The following PDZD2 variants were observed in gnomAD, a reference collection of about 807,000 sequenced individuals.
PDZD2 encodes PDZ domain containing 2.
In PDZD2, 90 loss-of-function variants were observed where a neutral mutation model predicts 220.7. That is an observed-to-expected ratio of 0.41 (90% CI 0.34 to 0.49). The LOEUF is 0.49. Among genes scored for constraint, PDZD2 ranks in the 20% least tolerant of loss-of-function variants. PDZD2 has a pLI of 0.28. For missense variants in PDZD2, 3,174 were observed against 3,608.5 expected (o/e 0.88, Z 3.08); for synonymous variants, 1,375 against 1,450.5 (o/e 0.95, Z 1.18).
At chr5:31,720,848 A>C (rs746955459) in intron 1 of PDZD2, among the ~76,000 whole-genome samples, 3 of 152,188 alleles carry the variant, frequency 2.0e-5, no homozygotes, top group Non-Finnish European at 2.9e-5. Context: ...CAGTTTTTAC[A>C]CAAAGGTTGG....
intron 2 of PDZD2, among the ~76,000 whole-genome samples, chr5:31,882,407 C>T (rs1484273599): frequency 6.6e-6 from 1 of 152,144 alleles, no homozygotes; most frequent in Non-Finnish European, 1.5e-5. Context: ...GTACCAAATT[C>T]CTGTAAAACA....
chr5:31,837,594 C>A (rs369086483), intron 2 of PDZD2, among the ~76,000 whole-genome samples: 4 of 152,190 alleles, frequency 2.6e-5, no homozygotes, highest in Middle Eastern at 3.4e-3. Context: ...CATGGTGGTC[C>A]ATGCCTGTAA....
intron 1 of PDZD2, among the ~76,000 whole-genome samples, chr5:31,676,237 C>T (rs897721898): frequency 1.1e-4 from 16 of 152,144 alleles, no homozygotes; most frequent in African/African-American, 2.4e-4. Context: ...AAATCCACAG[C>T]GCAGAGGGTG....
At chr5:32,068,401 ATGTGCTTGCACCAAAATGTAAACATTGTG>A (rs1740419578) in intron 14 of PDZD2, among the ~76,000 whole-genome samples, 1 of 152,250 alleles carries the variant, frequency 6.6e-6, no homozygotes, top group Non-Finnish European at 1.5e-5. Flanking sequence ...CCACAGCAAG[ATGTGCTTGCACCAAAATGTAAACATTGTG>A]TCACCATGCA....
At chr5:32,054,237 G>A (rs1477176292) in intron 10 of PDZD2, among the ~76,000 whole-genome samples, 7 of 149,994 alleles carry the variant, frequency 4.7e-5, no homozygotes, top group East Asian at 2.0e-4. Flanking sequence ...GAAGCAGAGC[G>A]CCTGGTCATT....
chr5:32,018,627 G>A (rs554825955), intron 6 of PDZD2, among the ~76,000 whole-genome samples: 24 of 152,190 alleles, frequency 1.6e-4, no homozygotes, highest in Non-Finnish European at 2.9e-4. Context: ...CGCAGCAGGC[G>A]GCCACACATG....
At chr5:31,865,897 C>G (rs1246069996) in intron 2 of PDZD2, among the ~76,000 whole-genome samples, 3 of 150,744 alleles carry the variant, frequency 2.0e-5, no homozygotes, top group Admixed American at 2.0e-4. Context: ...TCCCAAAATG[C>G]TGGGATTACA....
intron 2 of PDZD2, among the ~76,000 whole-genome samples, chr5:31,879,377 A>C (rs1173204990): frequency 1.5e-5 from 2 of 136,652 alleles, no homozygotes; most frequent in African/African-American, 5.7e-5. Flanking sequence ...ACAGAGCGAG[A>C]CTCTGTCTCA....
chr5:32,051,294 C>T (rs995034999), intron 8 of PDZD2, among the ~76,000 whole-genome samples: 16 of 152,138 alleles, frequency 1.1e-4, no homozygotes, highest in African/African-American at 3.6e-4. Flanking sequence ...AAGCCCACAT[C>T]ATTTTTTTTA....
rs1320201957 is a variant in PDZD2, at chr5:32,097,351, G to C, written c.7918G>C (p.Gly2640Arg). Reference protein sequence around the residue: ...GSGLGFSVAGGTDVEPKSITV... With the variant: ...GSGLGFSVAGRTDVEPKSITV... Reference sequence around the variant, plus strand: ...AGGTCTGGGATTCAGTGTGGCAGGAGGGACAGATGTGGAGCCAAAATCAAT... The same window carrying C: ...AGGTCTGGGATTCAGTGTGGCAGGACGGACAGATGTGGAGCCAAAATCAAT... Residue 2640 changes from glycine (G) to arginine (R), a missense_variant, in exon 22 of 25, where the codon GGG becomes CGG. Around this residue, in one of 4 missense-constraint regions of PDZD2, gnomAD observed 631 missense variants for 789.9 expected, o/e 0.80. Transcript: ENST00000438447. The C allele has an allele frequency of 6.2e-7, 1 of 1,612,486 alleles. No homozygotes were observed. Among genetic ancestry groups the C allele is most frequent in the Non-Finnish European group, 8.5e-7 (1 of 1,178,454 alleles).
chr5:31,644,342 C>T (rs895421495), intron 1 of PDZD2, among the ~76,000 whole-genome samples: 1 of 152,070 alleles, frequency 6.6e-6, no homozygotes, highest in Non-Finnish European at 1.5e-5. Context: ...AATACATTTC[C>T]CATGGGTTCT....
chr5:32,101,207 A>T lies in PDZD2; in HGVS notation c.8321A>T (p.Asp2774Val), dbSNP rs1387293620. The part of the protein sequence containing the change: ...LDGGKSSVTG[D>V]GPLVIKRVYK... Reference sequence around the variant, plus strand: ...GGGGGAAAATCATCGGTGACGGGAGATGGGCCCTTGGTCATTAAAAGAGTG... The same window carrying T: ...GGGGGAAAATCATCGGTGACGGGAGTTGGGCCCTTGGTCATTAAAAGAGTG... Residue 2774 changes from aspartate (D) to valine (V), a missense_variant, in exon 24 of 25, where the codon GAT becomes GTT. By Grantham distance (152) the Asp-to-Val change is radical. This residue lies in a region of PDZD2 where 631 missense variants were observed against 789.9 expected (regional missense o/e 0.80). Transcript: ENST00000438447. The T allele has an allele frequency of 6.2e-7, 1 of 1,613,846 alleles. No homozygotes were observed. The highest frequency in any genetic ancestry group is 1.7e-5 in the Admixed American group (1 of 60,008).
intron 1 of PDZD2, among the ~76,000 whole-genome samples, chr5:31,656,823 G>A (rs1745566158): frequency 1.3e-5 from 2 of 152,170 alleles, no homozygotes; most frequent in Admixed American, 1.3e-4. Flanking sequence ...CTAAGAGGAA[G>A]CTCCAAGACA....
intron 2 of PDZD2, among the ~76,000 whole-genome samples, chr5:31,879,866 T>C (rs1739699643): frequency 6.6e-6 from 1 of 152,070 alleles, no homozygotes; most frequent in Admixed American, 6.6e-5. Flanking sequence ...CTAGATCTGA[T>C]TTTGGCTCTG....
At chr5:31,902,342 T>A (rs1742176158) in intron 2 of PDZD2, among the ~76,000 whole-genome samples, 1 of 152,204 alleles carries the variant, frequency 6.6e-6, no homozygotes, top group Non-Finnish European at 1.5e-5. Flanking sequence ...TGACTAATGA[T>A]GTTGCACATC....
intron 2 of PDZD2, among the ~76,000 whole-genome samples, chr5:31,909,392 C>T (rs1376918701): frequency 6.6e-6 from 1 of 152,020 alleles, no homozygotes. Context: ...CATTTAAACT[C>T]AACAAATCTA....
intron 1 of PDZD2, among the ~76,000 whole-genome samples, chr5:31,737,858 A>G (rs923560467): frequency 1.3e-5 from 2 of 152,234 alleles, no homozygotes; most frequent in Non-Finnish European, 2.9e-5. Flanking sequence ...TGTCCTGCAC[A>G]GTGCTTATGT....
At chr5:31,998,275 C>A (rs1751800891) in intron 4 of PDZD2, among the ~76,000 whole-genome samples, 1 of 152,198 alleles carries the variant, frequency 6.6e-6, no homozygotes, top group Admixed American at 6.5e-5. Flanking sequence ...TTCCCATTCC[C>A]CTTCTCCCAC....
intron 1 of PDZD2, chr5:31,741,759 AC>A (rs993984334): frequency 4.6e-5 from 7 of 151,130 alleles, no homozygotes; most frequent in African/African-American, 1.5e-4. Context: ...GGGCTCCCCA[AC>A]CCCCCCGTGC....
Sources: gnomAD v4.1 joint callset for allele counts (sites outside exome capture counted in the v4.1 genomes callset) on GRCh38, gnomAD v4.1.1 for gene constraint, gnomAD v4.1.1 regional missense constraint, MANE v1.5 for transcripts, NCBI Gene and HGNC (gene_info 2026-07-23, HGNC 2026-07-21) for gene names.